Variants in MINK1 observed in about 807,000 individuals in gnomAD.
The protein encoded by MINK1 is misshapen-like kinase 1.
A neutral mutation model predicts 178.4 loss-of-function variants in MINK1; 46 were observed. The observed-to-expected ratio is 0.26, with a 90% CI of 0.20 to 0.33. The LOEUF is 0.33. MINK1 is among the 10% of genes least tolerant of loss of function. The probability of loss-of-function intolerance (pLI) is 1.00; values close to 1 mark genes in which losing one functional copy is unlikely to be tolerated. For synonymous variants in MINK1, 797 were observed against 709.7 expected (o/e 1.12, Z -1.96); for missense variants, 1,366 against 1,814.9 (o/e 0.75, Z 4.49).
In MINK1 at chr17:4,884,438, G is replaced by A. The variant is rs1194550882; in HGVS notation, c.382G>A (p.Asp128Asn). 6.2e-7 allele frequency: 1 copy of A among 1,613,792 alleles called. No homozygotes were observed. The highest frequency in any genetic ancestry group is 8.5e-7 in the Non-Finnish European group (1 of 1,179,852). The change falls in exon 5 of 32, where the codon GAC becomes AAC. Residue 128 changes from aspartate to asparagine, a missense_variant. Asp to Asn is a conservative substitution (Grantham distance 23). This residue lies in a region of MINK1 where 109 missense variants were observed against 369.4 expected (regional missense o/e 0.30). Coordinates refer to ENST00000355280, the MANE Select transcript of MINK1 (RefSeq NM_153827.5). ...KNTKGNALKE[D>N]CIAYICREIL... ...CACAAAAGGCAACGCCCTGAAGGAG[G>A]ACTGTATCGCCTATATCTGCAGGGA...
In MINK1 at chr17:4,891,442, G is replaced by T; in HGVS notation, c.1741-14G>T. On this transcript the variant is annotated splice_polypyrimidine_tract_variant and intron_variant, in intron 15 of 31. Coordinates refer to ENST00000355280, the MANE Select transcript of MINK1 (RefSeq NM_153827.5). ...TGGAGCAGGCAGCCCACCCTCCCTG[G>T]TCTCTCCCTGCAGAGCCTGGTGGCA... 1 of 1,547,486 alleles carries T rather than the reference G, an allele frequency of 6.5e-7. No individual in the cohort carries two copies. Among genetic ancestry groups the T allele is most frequent in the Non-Finnish European group, 8.8e-7 (1 of 1,141,818 alleles).
chr17:4,848,070 A>G (rs1330756004), intron 1 of MINK1, among the ~76,000 whole-genome samples: 1 of 152,000 alleles, frequency 6.6e-6, no homozygotes, highest in Non-Finnish European at 1.5e-5. Flanking sequence ...GGAGGACGGG[A>G]GGGACTCTGA....
rs1968112377 is a variant in MINK1 at position 4,885,385 on chromosome 17, C to CA, written c.509-97dup. The CA allele has an allele frequency of 2.6e-6, 4 of 1,525,350 alleles. No homozygotes were observed. Among genetic ancestry groups the CA allele is most frequent in the Non-Finnish European group, 3.6e-6 (4 of 1,119,604 alleles). 94.5% of individuals were successfully genotyped at this position (1,525,350 alleles called of 1,614,324 possible). On this transcript the variant is annotated intron_variant, in intron 6 of 31. Coordinates refer to ENST00000355280, the MANE Select transcript of MINK1 (RefSeq NM_153827.5). This position sits in a 1 kb window ranked among gnomAD's most constrained non-coding sequence, Gnocchi z 5.0. ...GGGTGTCTGGGTCGGGCCAGGACCA[C>CA]AGCTGGCTCAGGCAAGTCCTGTGTG...
In MINK1 at chr17:4,896,603, G is replaced by C; in HGVS notation, c.3775+15G>C. The stretch of plus-strand genomic sequence containing the variant: ...TACTTCTGTGGGTGAGTGAGCTGCC[G>C]CCCTCCCAGCCACATGCCCCGAGGT... On this transcript the variant is annotated intron_variant, in intron 30 of 31. Transcript: ENST00000355280. The surrounding 1 kb of genome is among the most constrained non-coding windows in gnomAD (Gnocchi z 4.6). 1 of 1,613,238 alleles carries C rather than the reference G, an allele frequency of 6.2e-7. No individual in the cohort carries two copies. Among genetic ancestry groups the C allele is most frequent in the Non-Finnish European group, 8.5e-7 (1 of 1,179,482 alleles).
chr17:4,856,360 C>T (rs1318268439), intron 1 of MINK1, among the ~76,000 whole-genome samples: 1 of 152,034 alleles, frequency 6.6e-6, no homozygotes, highest in African/African-American at 2.4e-5. Context: ...GTGATCTTAT[C>T]AGACTTTTCC....
intron 18 of MINK1, 70 bp from the exon 19 acceptor site, chr17:4,892,586 G>A: frequency 6.5e-7 from 1 of 1,543,016 alleles, no homozygotes; most frequent in Non-Finnish European, 8.9e-7. Flanking sequence ...GGCTCCCTCT[G>A]CAGTGCAGCT....
intron 1 of MINK1, among the ~76,000 whole-genome samples, chr17:4,850,037 A>G (rs531341058): frequency 6.6e-6 from 1 of 152,176 alleles, no homozygotes; most frequent in East Asian, 1.9e-4. Context: ...GCCTCCTTGA[A>G]TCGTTCTGAT....
chr17:4,891,185 TACACACACACGCGCGCACACACACAC>T (rs1968756374), intron 15 of MINK1, 61 bp downstream of exon 15: 3 of 1,208,208 alleles, frequency 2.5e-6, no homozygotes, highest in African/African-American at 1.7e-5. Flanking sequence ...AGAGCACAGG[TACACACACACGCGCGCACACACACAC>T]ACACACACAC....
intron 1 of MINK1, among the ~76,000 whole-genome samples, chr17:4,838,591 T>C (rs1909652064): frequency 6.6e-6 from 1 of 152,182 alleles, no homozygotes; most frequent in African/African-American, 2.4e-5. Context: ...TGGCAGGAAG[T>C]GTGCAGCCGC....
chr17:4,859,294 A>T, intron 1 of MINK1: 1 of 985,352 alleles, frequency 1.0e-6, no homozygotes, highest in Non-Finnish European at 1.2e-6. Context: ...CCAGCACCGA[A>T]ATTCAAGAAT....
At chr17:4,866,078 C>T (rs548555369) in intron 1 of MINK1, among the ~76,000 whole-genome samples, 14 of 152,310 alleles carry the variant, frequency 9.2e-5, no homozygotes, top group African/African-American at 2.6e-4. Flanking sequence ...TTCTATTCCC[C>T]AGCCTAGCAC....
chr17:4,892,486 G>A lies in MINK1; in HGVS notation c.2172G>A (p.Gln724=). 6.4e-7 allele frequency: 1 copy of A among 1,561,554 alleles called. No individual in the cohort carries two copies. The highest frequency in any genetic ancestry group is 1.2e-5 in the South Asian group (1 of 85,082). ...GTPKPPGPPA[Q]PPGPPNASSN... ...CAAAGCCTCCAGGGCCCCCTGCTCA[G>A]CCCCCTGGCCCGCCCAACGCCTCTA... is the stretch of plus-strand genomic sequence containing the variant. Residue 724 remains glutamine, a synonymous_variant, in exon 18 of 32, where the codon CAG becomes CAA. Transcript: ENST00000355280.
rs201326797 is a variant in MINK1, at chr17:4,891,587, C to T, written c.1872C>T (p.Pro624=). Reference sequence around the variant, plus strand: ...CCCATGACCCCGACCCTGCCATCCCCGCACCCACTGCCACGCCCAGTGCCC... The same window carrying T: ...CCCATGACCCCGACCCTGCCATCCCTGCACCCACTGCCACGCCCAGTGCCC... ...PASHDPDPAI[P]APTATPSARG... is the part of the protein sequence containing the mutation. Residue 624 remains proline, a synonymous_variant, in exon 16 of 32, where the codon CCC becomes CCT. Coordinates refer to ENST00000355280, the MANE Select transcript of MINK1 (RefSeq NM_153827.5). The T allele has an allele frequency of 4.4e-5, 71 of 1,605,324 alleles. No homozygotes were observed. The highest frequency in any genetic ancestry group is 3.0e-4 in the South Asian group (27 of 89,424).
rs775111632 is a variant in MINK1, at chr17:4,896,852, G to T, written c.3915+39G>T. ...TCCCTCTGAAAGCCCTGCTGTCCCG[G>T]CTGCCATGACCCTAGGCCCCTGGGC... is the stretch of plus-strand genomic sequence containing the variant. On this transcript the variant is annotated intron_variant, in intron 31 of 31. Transcript: ENST00000355280. This position sits in a 1 kb window ranked among gnomAD's most constrained non-coding sequence, Gnocchi z 4.6. The T allele has an allele frequency of 6.5e-7, 1 of 1,533,170 alleles. No individual in the cohort carries two copies. Among genetic ancestry groups the T allele is most frequent in the South Asian group, 1.3e-5 (1 of 77,048 alleles). The allele number at this position is 1,533,170 out of a possible 1,614,324, so 95.0% of individuals were successfully genotyped here.
chr17:4,896,667 C>T lies in MINK1; in HGVS notation c.3776-7C>T. On this transcript the variant is annotated splice_polypyrimidine_tract_variant and splice_region_variant and intron_variant, in intron 30 of 31. Transcript: ENST00000355280. This position sits in a 1 kb window ranked among gnomAD's most constrained non-coding sequence, Gnocchi z 4.6. ...AGCCTGCTCAGCCCCTCACCTGTTCCCCACAGCCTACATCTGCTCCAACCA... is the reference window on the plus strand; with the variant it reads ...AGCCTGCTCAGCCCCTCACCTGTTCTCCACAGCCTACATCTGCTCCAACCA... The T allele has an allele frequency of 6.2e-7, 1 of 1,602,908 alleles. No homozygotes were observed. Among genetic ancestry groups the T allele is most frequent in the Non-Finnish European group, 8.5e-7 (1 of 1,173,318 alleles).
At chr17:4,893,362 G>T (rs749855200) in intron 20 of MINK1, 72 bp from the exon 21 acceptor site, 14 of 1,610,910 alleles carry the variant, frequency 8.7e-6, no homozygotes, top group Admixed American at 3.3e-5. Flanking sequence ...CTGCTGGGGT[G>T]TCCCGGCACC....
chr17:4,868,865 T>A, intron 1 of MINK1: 2 of 327,722 alleles, frequency 6.1e-6, no homozygotes, highest in South Asian at 2.2e-5. Context: ...TCCTCCCACC[T>A]CAGCCTCCTA....
At chr17:4,845,600 C>T (rs1910895552) in intron 1 of MINK1, among the ~76,000 whole-genome samples, 1 of 152,012 alleles carries the variant, frequency 6.6e-6, no homozygotes, top group South Asian at 2.1e-4. Context: ...TGTTCATACT[C>T]CTGGACAGAC....
intron 1 of MINK1, chr17:4,868,982 G>C (rs1915452917): frequency 6.3e-6 from 1 of 159,356 alleles, no homozygotes; most frequent in South Asian, 1.3e-4. Flanking sequence ...GGTGTGCAGT[G>C]GCGTAATCTC....
Sources: allele counts gnomAD v4.1 joint callset (sites outside exome capture counted in the v4.1 genomes callset), GRCh38; gene constraint gnomAD v4.1.1; regional missense constraint gnomAD v4.1.1; non-coding constraint Gnocchi (gnomAD v3.1); transcripts MANE v1.5; gene names NCBI Gene and HGNC (gene_info 2026-07-23, HGNC 2026-07-21).